PTPRD: variants seen among roughly 807,000 people sequenced by gnomAD.
The protein encoded by PTPRD is protein tyrosine phosphatase receptor type D.
In PTPRD, 34 loss-of-function variants were observed where a neutral mutation model predicts 214.5. The observed-to-expected ratio is 0.16, with a 90% CI of 0.12 to 0.21. The LOEUF (loss-of-function observed/expected upper bound fraction) is 0.21. PTPRD is among the 10% of genes least tolerant of loss of function. The pLI, the probability that PTPRD is intolerant of heterozygous loss-of-function variation, is 1.00. For missense variants in PTPRD, 2,545 were observed against 2,398.7 expected (o/e 1.06, Z -1.27); for synonymous variants, 1,128 against 845.7 (o/e 1.33, Z -5.79).
At chr9:10,487,173 G>T (rs558610930) in intron 2 of PTPRD, among the ~76,000 whole-genome samples, 1 of 151,850 alleles carries the variant, frequency 6.6e-6, no homozygotes, top group Non-Finnish European at 1.5e-5. Flanking sequence ...TTTATTTTCA[G>T]TCTATGGGTA....
intron 2 of PTPRD, among the ~76,000 whole-genome samples, chr9:10,582,246 T>C (rs1322280): frequency 0.82 from 124,878 of 152,096 alleles, 51,562 homozygotes; most frequent in East Asian, 0.94. Flanking sequence ...TATCAGTTTT[T>C]GATCAATAAA....
At chr9:9,428,852 C>T (rs2082016017) in intron 8 of PTPRD, among the ~76,000 whole-genome samples, 1 of 152,112 alleles carries the variant, frequency 6.6e-6, no homozygotes, top group South Asian at 2.1e-4. Context: ...TCTTTGAAAC[C>T]AGTGAAAACA....
At chr9:10,051,676 C>T (rs893655732) in intron 3 of PTPRD, among the ~76,000 whole-genome samples, 8 of 151,932 alleles carry the variant, frequency 5.3e-5, no homozygotes. Flanking sequence ...GTTCAATTCC[C>T]ACCTGTGAGT....
chr9:9,996,511 G>T (rs537184192), intron 4 of PTPRD, among the ~76,000 whole-genome samples: 3 of 152,302 alleles, frequency 2.0e-5, no homozygotes, highest in African/African-American at 7.2e-5. Context: ...TGGTGTGAAT[G>T]CCCAGGACTG....
intron 20 of PTPRD, among the ~76,000 whole-genome samples, chr9:8,519,131 G>A (rs907080413): frequency 6.6e-6 from 1 of 152,006 alleles, no homozygotes; most frequent in Admixed American, 6.6e-5. Flanking sequence ...TCAAATCAAT[G>A]CTTTATTCTT....
At chr9:9,194,982 T>C (rs1415759400) in intron 9 of PTPRD, among the ~76,000 whole-genome samples, 1 of 145,862 alleles carries the variant, frequency 6.9e-6, no homozygotes, top group African/African-American at 2.5e-5. Context: ...AGTTGAACCC[T>C]ACGTGTGTGT....
intron 43 of PTPRD, among the ~76,000 whole-genome samples, chr9:8,336,698 T>A (rs543305107): frequency 3.4e-5 from 5 of 149,022 alleles, no homozygotes; most frequent in African/African-American, 4.9e-5. Context: ...ATTTTTGCTA[T>A]CTATCCACCT....
intron 39 of PTPRD, among the ~76,000 whole-genome samples, chr9:8,368,676 C>CTTTTT (rs199556434): frequency 8.5e-6 from 1 of 117,346 alleles, no homozygotes; most frequent in South Asian, 2.8e-4. Flanking sequence ...CCTTTTAATG[C>CTTTTT]TTTTTTTTTT....
intron 14 of PTPRD, among the ~76,000 whole-genome samples, chr9:8,597,261 T>C (rs954880072): frequency 2.0e-5 from 3 of 152,072 alleles, no homozygotes; most frequent in African/African-American, 7.2e-5. Context: ...GCCTCAAAAA[T>C]TGGAAAGAAA....
chr9:9,305,815 C>T (rs79103170), intron 9 of PTPRD, among the ~76,000 whole-genome samples: 1 of 151,942 alleles, frequency 6.6e-6, no homozygotes, highest in South Asian at 2.1e-4. Context: ...AGGCCATGTG[C>T]CAATCAGAGA....
At chr9:9,854,945 G>C (rs1477933699) in intron 5 of PTPRD, among the ~76,000 whole-genome samples, 1 of 152,074 alleles carries the variant, frequency 6.6e-6, no homozygotes, top group African/African-American at 2.4e-5. Flanking sequence ...TTTATACTAA[G>C]CTTTAAAATT....
intron 2 of PTPRD, among the ~76,000 whole-genome samples, chr9:10,426,698 T>C (rs1425324406): frequency 6.6e-6 from 1 of 152,088 alleles, no homozygotes; most frequent in Non-Finnish European, 1.5e-5. Context: ...ATGCTAACAA[T>C]GCCACTTTTG....
chr9:9,582,398 C>A (rs967934078), intron 7 of PTPRD, among the ~76,000 whole-genome samples: 1 of 151,952 alleles, frequency 6.6e-6, no homozygotes, highest in Non-Finnish European at 1.5e-5. Flanking sequence ...AAGAGGCCAC[C>A]CCAACCTCTT....
intron 33 of PTPRD, among the ~76,000 whole-genome samples, chr9:8,452,066 C>G (rs943241389): frequency 6.6e-6 from 1 of 152,142 alleles, no homozygotes; most frequent in African/African-American, 2.4e-5. Context: ...TCAGAAAACT[C>G]AAGACATGGG....
chr9:10,025,378 G>T (rs1168926614), intron 4 of PTPRD, among the ~76,000 whole-genome samples: 1 of 152,124 alleles, frequency 6.6e-6, no homozygotes, highest in Non-Finnish European at 1.5e-5. Flanking sequence ...GTCCAATTTT[G>T]TCCAAATCCT....
intron 14 of PTPRD, among the ~76,000 whole-genome samples, chr9:8,582,974 C>G (rs539493643): frequency 1.9e-3 from 288 of 152,258 alleles, no homozygotes; most frequent in Non-Finnish European, 3.0e-3. Context: ...TAATTAAAAA[C>G]CACTCAGAAG....
At chr9:8,323,927 C>CTTA (rs1468818316) in intron 44 of PTPRD, among the ~76,000 whole-genome samples, 1 of 152,126 alleles carries the variant, frequency 6.6e-6, no homozygotes, top group Non-Finnish European at 1.5e-5. Context: ...GACTTTGTCA[C>CTTA]TTAGTCACTT....
chr9:10,443,113 G>A (rs1405295000), intron 2 of PTPRD, among the ~76,000 whole-genome samples: 4 of 150,376 alleles, frequency 2.7e-5, no homozygotes, highest in East Asian at 3.9e-4. Flanking sequence ...AGGCCTGGAT[G>A]GTGTTTGTGT....
At chr9:10,074,529 A>G (rs563567060) in intron 3 of PTPRD, among the ~76,000 whole-genome samples, 3 of 152,214 alleles carry the variant, frequency 2.0e-5, no homozygotes, top group African/African-American at 7.2e-5. Context: ...GATCTGATTA[A>G]TGTTTTGGAT....
Sources: gnomAD v4.1 joint callset for allele counts (sites outside exome capture counted in the v4.1 genomes callset) on GRCh38, gnomAD v4.1.1 for gene constraint, MANE v1.5 for transcripts, NCBI Gene and HGNC (gene_info 2026-07-23, HGNC 2026-07-21) for gene names.